Variants in STEAP1B observed in about 807,000 individuals in gnomAD.
STEAP1B encodes the protein STEAP family member 1B.
Under a neutral mutation model 27.9 loss-of-function variants are expected in STEAP1B, and 13 were observed. The observed-to-expected ratio is 0.47, with a 90% CI of 0.30 to 0.74. STEAP1B has a LOEUF of 0.74. Among genes scored for constraint, STEAP1B ranks in the 30% least tolerant of loss-of-function variants. The pLI is 0.06. For synonymous variants in STEAP1B, 86 were observed against 107.1 expected, an observed-to-expected ratio of 0.80 and a Z score of 1.22; for missense variants, 250 against 298.7, an observed-to-expected ratio of 0.84 and a Z score of 1.20.
Position 22,478,656 on chromosome 7 carries a change from T to C in STEAP1B, c.762+13909A>G, listed in dbSNP as rs114425790. On this transcript the variant is annotated intron_variant, in intron 4 of 4. Transcript: ENST00000678116. ...ACTGGTGTTATAAGAACTAAATGAA[T>C]TTATACATATAAAAATCTTACTTGG... Among the ~76,000 whole-genome samples, 460 of 152,340 alleles carry C rather than the reference T, an allele frequency of 3.0e-3. 4 individuals are homozygous for C. The highest frequency in any genetic ancestry group is 0.011 in the African/African-American group (442 of 41,574).
At chr7:22,462,839 G>C (rs968225308) in intron 4 of STEAP1B, among the ~76,000 whole-genome samples, 1 of 151,460 alleles carries the variant, frequency 6.6e-6, no homozygotes, top group Non-Finnish European at 1.5e-5. Context: ...CTAGTTTACA[G>C]TCCCACCAAC....
At chr7:22,498,011 AAGG>A in intron 1 of STEAP1B, among the ~76,000 whole-genome samples, 1 of 152,278 alleles carries the variant, frequency 6.6e-6, no homozygotes, top group South Asian at 2.1e-4. Flanking sequence ...AGATTCTCAT[AAGG>A]AGCACACAAC....
intron 4 of STEAP1B, among the ~76,000 whole-genome samples, chr7:22,435,839 C>G (rs1220973442): frequency 2.0e-5 from 3 of 152,190 alleles, no homozygotes; most frequent in African/African-American, 7.2e-5. Flanking sequence ...GTTAGCCTGG[C>G]CTCCATCTGC....
At chr7:22,450,229 A>G (rs1227556816) in intron 4 of STEAP1B, among the ~76,000 whole-genome samples, 1 of 152,158 alleles carries the variant, frequency 6.6e-6, no homozygotes, top group Non-Finnish European at 1.5e-5. Flanking sequence ...CTTGTGGAGT[A>G]TTACTCAAGA....
At chr7:22,470,961 T>C (rs971879200) in intron 4 of STEAP1B, among the ~76,000 whole-genome samples, 3 of 152,222 alleles carry the variant, frequency 2.0e-5, no homozygotes, top group Admixed American at 1.3e-4. Flanking sequence ...AGAGCCAATT[T>C]GGGCCTCTAA....
intron 4 of STEAP1B, among the ~76,000 whole-genome samples, chr7:22,437,956 G>A (rs945621462): frequency 4.6e-5 from 7 of 152,034 alleles, no homozygotes; most frequent in African/African-American, 1.7e-4. Context: ...ATCAGATTTT[G>A]TTATTTCATT....
chr7:22,469,702 T>C (rs952801771), intron 4 of STEAP1B, among the ~76,000 whole-genome samples: 4 of 152,176 alleles, frequency 2.6e-5, no homozygotes, highest in African/African-American at 7.2e-5. Context: ...GCAGATAGCC[T>C]ACATGTATAA....
At chr7:22,452,186 GGTAA>G (rs1377123344) in intron 4 of STEAP1B, among the ~76,000 whole-genome samples, 1 of 152,184 alleles carries the variant, frequency 6.6e-6, no homozygotes, top group African/African-American at 2.4e-5. Context: ...CTGAGGGAAA[GGTAA>G]GTAAGGAAAG....
chr7:22,461,673 G>C (rs1363918677), intron 4 of STEAP1B, among the ~76,000 whole-genome samples: 1 of 152,156 alleles, frequency 6.6e-6, no homozygotes, highest in Non-Finnish European at 1.5e-5. Flanking sequence ...CAGAATATTG[G>C]ATTACACCAT....
At chr7:22,435,939 T>C (rs116071317) in intron 4 of STEAP1B, among the ~76,000 whole-genome samples, 1 of 152,194 alleles carries the variant, frequency 6.6e-6, no homozygotes, top group African/African-American at 2.4e-5. Flanking sequence ...TCTCTCAAGC[T>C]GAGCCACTGC....
intron 4 of STEAP1B, among the ~76,000 whole-genome samples, chr7:22,470,596 T>C (rs1429388351): frequency 2.0e-5 from 3 of 152,118 alleles, no homozygotes; most frequent in African/African-American, 7.2e-5. Context: ...TAAAACCCCA[T>C]CTCTACTAAA....
rs534516747 is a variant in STEAP1B at position 22,488,529 on chromosome 7, T to C, written c.762+4036A>G. Among the ~76,000 whole-genome samples, 11 of 152,334 alleles carry C rather than the reference T, an allele frequency of 7.2e-5. No homozygotes were observed. In the East Asian group the frequency reaches 2.1e-3, roughly 29 times the overall value. ...CATCCTCACCCATGCTGTGTTGCAC[T>C]GTGGCCTTCTTTCAAAGTGAAAAAG... On this transcript the variant is annotated intron_variant, in intron 4 of 4. Coordinates refer to ENST00000678116, the MANE Select transcript of STEAP1B (RefSeq NM_001382447.1).
At chr7:22,457,662 G>A (rs960040320) in intron 4 of STEAP1B, among the ~76,000 whole-genome samples, 4 of 152,226 alleles carry the variant, frequency 2.6e-5, no homozygotes, top group Non-Finnish European at 4.4e-5. Context: ...TAATGCCAGC[G>A]TGCCTTCCTA....
chr7:22,471,936 G>A (rs1021300782), intron 4 of STEAP1B, among the ~76,000 whole-genome samples: 9 of 144,392 alleles, frequency 6.2e-5, no homozygotes, highest in African/African-American at 1.5e-4. Flanking sequence ...TATTGCTAAC[G>A]TACATCATTT....
At chr7:22,499,540 T>A (rs1043760162) in intron 1 of STEAP1B, among the ~76,000 whole-genome samples, 4 of 152,166 alleles carry the variant, frequency 2.6e-5, no homozygotes, top group African/African-American at 9.7e-5. Context: ...GTACAAAAAA[T>A]TTATGTCTAC....
intron 4 of STEAP1B, among the ~76,000 whole-genome samples, chr7:22,487,686 C>T (rs1173281188): frequency 6.6e-6 from 1 of 151,468 alleles, no homozygotes; most frequent in Non-Finnish European, 1.5e-5. Context: ...TGCCTGTAAT[C>T]CCAGGCACTC....
Position 22,490,477 on chromosome 7 carries a change from T to C in STEAP1B, c.762+2088A>G, listed in dbSNP as rs183544046. On this transcript the variant is annotated intron_variant, in intron 4 of 4. Coordinates refer to ENST00000678116, the MANE Select transcript of STEAP1B (RefSeq NM_001382447.1). ...GTTAGATCCGTTTCCTTTTGAAACCTTTCCTGAGCTTTCCAAACTCAAAAA... is the reference window on the plus strand; with the variant it reads ...GTTAGATCCGTTTCCTTTTGAAACCCTTCCTGAGCTTTCCAAACTCAAAAA... Among the ~76,000 whole-genome samples the C allele has an allele frequency of 3.9e-3, 600 of 152,358 alleles. 3 individuals are homozygous for C. The highest frequency in any genetic ancestry group is 0.013 in the African/African-American group (559 of 41,584).
At chr7:22,478,582 T>C (rs2128412877) in intron 4 of STEAP1B, among the ~76,000 whole-genome samples, 1 of 152,332 alleles carries the variant, frequency 6.6e-6, no homozygotes, top group East Asian at 1.9e-4. Context: ...TGGTTAATGT[T>C]AAGCCTCTCT....
chr7:22,437,028 G>C (rs1317778727), intron 4 of STEAP1B, among the ~76,000 whole-genome samples: 1 of 152,180 alleles, frequency 6.6e-6, no homozygotes, highest in African/African-American at 2.4e-5. Context: ...AACAGCTTCT[G>C]CACAGCAAAG....
Sources: gnomAD v4.1 joint callset for allele counts (sites outside exome capture counted in the v4.1 genomes callset) on GRCh38, gnomAD v4.1.1 for gene constraint, MANE v1.5 for transcripts, NCBI Gene and HGNC (gene_info 2026-07-23, HGNC 2026-07-21) for gene names.